The following FARP1 variants were observed in gnomAD, a reference collection of about 807,000 sequenced individuals.
FARP1 encodes FERM, ARH/RhoGEF and pleckstrin domain protein 1.
FARP1 carries 52 observed loss-of-function variants against 128.8 expected under a neutral mutation model. That is an observed-to-expected ratio of 0.40 (90% CI 0.32 to 0.51). The LOEUF (loss-of-function observed/expected upper bound fraction) is 0.51. Ranked by LOEUF, FARP1 falls within the 20% of genes least tolerant of loss-of-function variation. The probability of loss-of-function intolerance (pLI) is 0.45; values close to 1 mark genes in which losing one functional copy is unlikely to be tolerated. For missense variants in FARP1, 1,333 were observed against 1,367.9 expected (o/e 0.97, Z 0.40); for synonymous variants, 580 against 551.8 (o/e 1.05, Z -0.72).
intron 2 of FARP1, among the ~76,000 whole-genome samples, chr13:98,259,882 AGTGTGTGTGTGTGT>A (rs60886784): frequency 1.6e-5 from 2 of 128,868 alleles, no homozygotes; most frequent in African/African-American, 5.6e-5. Context: ...ATACCTGAAA[AGTGTGTGTGTGTGT>A]GTGTGTGTGT....
At chr13:98,204,475 G>T (rs527596482) in intron 1 of FARP1, among the ~76,000 whole-genome samples, 1 of 152,000 alleles carries the variant, frequency 6.6e-6, no homozygotes, top group South Asian at 2.1e-4. Flanking sequence ...ACATTGTCAG[G>T]CATTATATAA....
At chr13:98,325,233 T>C (rs916917687) in intron 2 of FARP1, among the ~76,000 whole-genome samples, 2 of 149,854 alleles carry the variant, frequency 1.3e-5, no homozygotes, top group African/African-American at 4.8e-5. Flanking sequence ...TCCATGAGTA[T>C]TGAAAACAGT....
intron 6 of FARP1, among the ~76,000 whole-genome samples, chr13:98,383,049 G>A (rs1889951057): frequency 1.3e-5 from 2 of 152,202 alleles, no homozygotes; most frequent in Admixed American, 1.3e-4. Flanking sequence ...TAACTAAAAT[G>A]TTGTTTCAAG....
At chr13:98,438,315 C>T (rs557445032) in intron 19 of FARP1, among the ~76,000 whole-genome samples, 3 of 152,222 alleles carry the variant, frequency 2.0e-5, no homozygotes, top group African/African-American at 4.8e-5. Context: ...TGTGGCCTCT[C>T]GGTCCTCAAG....
intron 2 of FARP1, among the ~76,000 whole-genome samples, chr13:98,253,589 C>T (rs927657500): frequency 6.6e-6 from 1 of 152,180 alleles, no homozygotes; most frequent in African/African-American, 2.4e-5. Flanking sequence ...GAGGATTAAG[C>T]GAGATGATGT....
intron 16 of FARP1, among the ~76,000 whole-genome samples, chr13:98,422,027 A>G (rs934949207): frequency 1.3e-5 from 2 of 152,190 alleles, no homozygotes; most frequent in Non-Finnish European, 2.9e-5. Context: ...GTTTGGCATC[A>G]TGAACCGAAA....
At chr13:98,312,922 G>C (rs1242127139) in intron 2 of FARP1, among the ~76,000 whole-genome samples, 1 of 152,182 alleles carries the variant, frequency 6.6e-6, no homozygotes, top group Non-Finnish European at 1.5e-5. Flanking sequence ...AGGAGGAGAA[G>C]TGGGCCAGGG....
intron 1 of FARP1, among the ~76,000 whole-genome samples, chr13:98,162,063 C>G (rs1438472922): frequency 1.3e-5 from 2 of 152,182 alleles, no homozygotes; most frequent in Admixed American, 1.3e-4. Context: ...TACAGGCCAG[C>G]CACTGTGCCT....
chr13:98,388,291 C>G, intron 8 of FARP1, 92 bp from the exon 9 acceptor site: 1 of 882,056 alleles, frequency 1.1e-6, no homozygotes, highest in Non-Finnish European at 1.9e-6. Flanking sequence ...GCCTGCCAGC[C>G]CTCTTCCTTT....
chr13:98,392,254 G>C (rs1185042717), intron 11 of FARP1, among the ~76,000 whole-genome samples: 1 of 145,876 alleles, frequency 6.9e-6, no homozygotes, highest in East Asian at 2.0e-4. Context: ...GGATGCCGAA[G>C]TGGGTGGATC....
At chr13:98,296,635 T>A (rs1230402726) in intron 2 of FARP1, among the ~76,000 whole-genome samples, 1 of 151,912 alleles carries the variant, frequency 6.6e-6, no homozygotes, top group East Asian at 1.9e-4. Flanking sequence ...TGAGCCACAT[T>A]AGAGTACTTG....
intron 3 of FARP1, among the ~76,000 whole-genome samples, chr13:98,350,769 AG>A (rs1417665898): frequency 6.6e-6 from 1 of 152,060 alleles, no homozygotes; most frequent in East Asian, 1.9e-4. Flanking sequence ...TCCCCGGGCT[AG>A]CCAATTCTTA....
chr13:98,422,292 G>C, intron 16 of FARP1, among the ~76,000 whole-genome samples: 1 of 129,088 alleles, frequency 7.7e-6, no homozygotes, highest in South Asian at 2.4e-4. Context: ...GTGGGCTCTG[G>C]TGGTTCAGAG....
chr13:98,217,288 C>G (rs1295181387), intron 2 of FARP1, among the ~76,000 whole-genome samples: 1 of 151,218 alleles, frequency 6.6e-6, no homozygotes, highest in Non-Finnish European at 1.5e-5. Flanking sequence ...AAAAAAAATG[C>G]TTGGGGAAGA....
At chr13:98,171,707 C>A (rs1877663893) in intron 1 of FARP1, among the ~76,000 whole-genome samples, 1 of 152,092 alleles carries the variant, frequency 6.6e-6, no homozygotes. Context: ...AAAAAATATG[C>A]AAAATTTTTA....
chr13:98,254,840 T>C (rs1305807117), intron 2 of FARP1, among the ~76,000 whole-genome samples: 1 of 152,066 alleles, frequency 6.6e-6, no homozygotes, highest in African/African-American at 2.4e-5. Context: ...AAAGCAATGA[T>C]GGGATATTCA....
intron 3 of FARP1, among the ~76,000 whole-genome samples, chr13:98,349,008 C>G (rs1454301937): frequency 6.6e-6 from 1 of 152,226 alleles, no homozygotes; most frequent in African/African-American, 2.4e-5. Context: ...GCTGCCTGTC[C>G]TTGGATCTCC....
rs546478040 is a variant in FARP1, at chr13:98,247,430, A to G, written c.171+34017A>G. Reference sequence around the variant, plus strand: ...AAGTCACACTAAGCTCTAAATGACCAGGCCGGGTCACTAACGCAGACAGAC... The same window carrying G: ...AAGTCACACTAAGCTCTAAATGACCGGGCCGGGTCACTAACGCAGACAGAC... On this transcript the variant is annotated intron_variant, in intron 2 of 26. Coordinates refer to ENST00000319562, the MANE Select transcript of FARP1 (RefSeq NM_005766.4). 7.2e-5 allele frequency among the ~76,000 whole-genome samples: 11 copies of G among 152,288 alleles called. No homozygotes were observed. The East Asian group carries it at 2.1e-3, about 29-fold the overall frequency.
At chr13:98,209,255 G>T (rs533089412) in intron 1 of FARP1, among the ~76,000 whole-genome samples, 1 of 151,696 alleles carries the variant, frequency 6.6e-6, no homozygotes, top group Non-Finnish European at 1.5e-5. Context: ...TGATCCACCC[G>T]CCTTGGCCTC....
Sources: allele counts gnomAD v4.1 joint callset (sites outside exome capture counted in the v4.1 genomes callset), GRCh38; gene constraint gnomAD v4.1.1; transcripts MANE v1.5; gene names NCBI Gene and HGNC (gene_info 2026-07-23, HGNC 2026-07-21).